Variants in ADGRF5 observed in about 807,000 individuals in gnomAD.
ADGRF5 encodes the protein adhesion G protein-coupled receptor F5.
ADGRF5 carries 75 observed loss-of-function variants against 132.3 expected under a neutral mutation model. That is an observed-to-expected ratio of 0.57 (90% CI 0.47 to 0.69). ADGRF5 has a LOEUF of 0.69. Among genes scored for constraint, ADGRF5 ranks in the 30% least tolerant of loss-of-function variants. The pLI, the probability that ADGRF5 is intolerant of heterozygous loss-of-function variation, is 0.00. For synonymous variants in ADGRF5, 629 were observed against 597.6 expected, an observed-to-expected ratio of 1.05 and a Z score of -0.77; for missense variants, 1,516 against 1,630.6, an observed-to-expected ratio of 0.93 and a Z score of 1.21.
intron 10 of ADGRF5, among the ~76,000 whole-genome samples, chr6:46,875,780 AAAAC>A (rs998225233): frequency 5.3e-5 from 8 of 152,312 alleles, no homozygotes; most frequent in South Asian, 2.1e-4. Context: ...TCTATCTCAA[AAAAC>A]AAACAAACAA....
intron 9 of ADGRF5, among the ~76,000 whole-genome samples, chr6:46,879,503 C>A (rs1401768859): frequency 1.3e-5 from 2 of 152,154 alleles, no homozygotes; most frequent in African/African-American, 4.8e-5. Flanking sequence ...TGCTGCCATG[C>A]AAGACATGCC....
At chr6:46,871,341 G>A (rs988669894) in intron 11 of ADGRF5, among the ~76,000 whole-genome samples, 1 of 152,078 alleles carries the variant, frequency 6.6e-6, no homozygotes, top group Non-Finnish European at 1.5e-5. Context: ...TAACCAGAAA[G>A]AATCAGATTA....
At chr6:46,939,189 CAA>C (rs1205099695) in intron 1 of ADGRF5, among the ~76,000 whole-genome samples, 1 of 152,170 alleles carries the variant, frequency 6.6e-6, no homozygotes, top group Non-Finnish European at 1.5e-5. Flanking sequence ...TACATAAAAG[CAA>C]AAATCCCAGG....
chr6:46,880,889 G>A (rs1302286382), intron 8 of ADGRF5, among the ~76,000 whole-genome samples: 1 of 151,956 alleles, frequency 6.6e-6, no homozygotes, highest in Non-Finnish European at 1.5e-5. Context: ...CCAGGAGTAT[G>A]AGACCAGCCT....
At chr6:46,884,962 G>C (rs1450872283) in intron 4 of ADGRF5, among the ~76,000 whole-genome samples, 1 of 152,172 alleles carries the variant, frequency 6.6e-6, no homozygotes, top group African/African-American at 2.4e-5. Flanking sequence ...CAGCACTTGG[G>C]AGGCCAAGGC....
chr6:46,922,810 T>C (rs966050910), upstream of ADGRF5, among the ~76,000 whole-genome samples: 9 of 152,198 alleles, frequency 5.9e-5, no homozygotes, highest in Non-Finnish European at 7.3e-5. Flanking sequence ...CAAGAGTATC[T>C]TCAGGGAATT....
At chr6:46,857,998 T>A (rs1012227123) in intron 17 of ADGRF5, 131 bp downstream of exon 17, 15 of 662,972 alleles carry the variant, frequency 2.3e-5, no homozygotes, top group Non-Finnish European at 3.6e-5. Flanking sequence ...TTCTCATTAT[T>A]ACTGCTCTTT....
At chr6:46,888,657 AAAG>A in intron 3 of ADGRF5, 152 bp from the exon 4 acceptor site, 1 of 626,996 alleles carries the variant, frequency 1.6e-6, no homozygotes, top group Non-Finnish European at 2.8e-6. Flanking sequence ...CTTTAGAGAA[AAAG>A]AAGGTTTATT....
chr6:46,912,924 A>G (rs1457874600), intron 1 of ADGRF5, among the ~76,000 whole-genome samples: 1 of 152,192 alleles, frequency 6.6e-6, no homozygotes, highest in African/African-American at 2.4e-5. Flanking sequence ...TCAGCACACA[A>G]TAGAAGCAAC....
At chr6:46,895,699 A>G (rs978088293) in intron 3 of ADGRF5, among the ~76,000 whole-genome samples, 1 of 150,754 alleles carries the variant, frequency 6.6e-6, no homozygotes, top group African/African-American at 2.4e-5. Flanking sequence ...GAGAATAATC[A>G]ACTGGGGCTC....
At chr6:46,954,381 C>A (rs543967059) in intron 1 of ADGRF5, among the ~76,000 whole-genome samples, 1 of 147,102 alleles carries the variant, frequency 6.8e-6, no homozygotes, top group Admixed American at 6.8e-5. Context: ...TGGTAGAGGT[C>A]TATACTATTA....
At chr6:46,926,516 G>A (rs545519599), upstream of ADGRF5, among the ~76,000 whole-genome samples, 246 of 152,086 alleles carry the variant, frequency 1.6e-3, 1 homozygote, top group Non-Finnish European at 2.8e-3. Flanking sequence ...GGTATGGTTC[G>A]TTGAGGTGTC....
chr6:46,940,755 T>C (rs1778017968), intron 1 of ADGRF5, among the ~76,000 whole-genome samples: 1 of 152,174 alleles, frequency 6.6e-6, no homozygotes. Flanking sequence ...TCCCTAAAAG[T>C]CCTTATATTT....
rs1768630339 is a variant in ADGRF5, at chr6:46,852,764, GC to G, written c.*1227del. The G allele has an allele frequency of 6.6e-6, 1 of 151,648 alleles. No individual in the cohort carries two copies. The highest frequency in any genetic ancestry group is 1.9e-4 in the East Asian group (1 of 5,192). 9.4% of individuals were successfully genotyped at this position (151,648 alleles called of 1,614,324 possible). A position where few individuals can be genotyped will look rare whatever the true frequency, so the allele number is the denominator to read the frequency against. On this transcript the variant is annotated 3_prime_UTR_variant, in exon 21 of 21. Coordinates refer to ENST00000283296, the MANE Select transcript of ADGRF5 (RefSeq NM_001098518.2). ...CCGAATGTAAAATTTCTTTCCAGGA[GC>G]TTTCCACGTGGTTGGAATAAACACA... is the stretch of plus-strand genomic sequence containing the variant.
intron 3 of ADGRF5, among the ~76,000 whole-genome samples, chr6:46,893,231 G>T (rs1413016435): frequency 6.6e-6 from 1 of 151,934 alleles, no homozygotes; most frequent in Non-Finnish European, 1.5e-5. Flanking sequence ...CAACCCTCTT[G>T]GCTTGCTTGA....
In ADGRF5 at chr6:46,860,674, A is replaced by T. The variant is rs193217889; in HGVS notation, c.2379+41T>A. On this transcript the variant is annotated intron_variant, in intron 16 of 20. Coordinates refer to ENST00000283296, the MANE Select transcript of ADGRF5 (RefSeq NM_001098518.2). ...TGAATACAAATTCTGAGGGGTGAAA[A>T]GGTAAGACCCAAAACTCCTGCAAAG... 38 of 1,466,246 alleles carry T rather than the reference A, an allele frequency of 2.6e-5. No homozygotes were observed. The East Asian group carries it at 8.2e-4, about 32-fold the overall frequency. 90.8% of individuals were successfully genotyped at this position (1,466,246 alleles called of 1,614,324 possible).
rs777037537 is a variant in ADGRF5 at position 46,858,783 on chromosome 6, C to A, written c.3120G>T (p.Ser1040=). ...TATAAGAAGTCCGGTTCTTGGTCAC[C>A]GATTTCCACACCACAGCTTCCACAA... is the stretch of plus-strand genomic sequence containing the variant. The part of the protein sequence containing the change: ...CLVVEAVVWK[S]VTKNRTSYMR... The change falls in exon 17 of 21, where the codon TCG becomes TCT. Residue 1040 remains serine, a synonymous_variant. Transcript: ENST00000283296. The A allele has an allele frequency of 1.2e-6, 2 of 1,614,076 alleles. No homozygotes were observed. Among genetic ancestry groups the A allele is most frequent in the East Asian group, 4.5e-5 (2 of 44,872 alleles).
intron 1 of ADGRF5, among the ~76,000 whole-genome samples, chr6:46,920,847 A>G (rs544650119): frequency 6.6e-6 from 1 of 152,294 alleles, no homozygotes; most frequent in South Asian, 2.1e-4. Context: ...TGGGCGACAG[A>G]GCAAGACTCC....
chr6:46,877,376 TCTTTCTTTC>T (rs1771930077), intron 10 of ADGRF5, among the ~76,000 whole-genome samples: 1 of 59,680 alleles, frequency 1.7e-5, no homozygotes, highest in Non-Finnish European at 4.3e-5. Context: ...TTTCTTTCTT[TCTTTCTTTC>T]TTCTTTCTTT....
Sources: allele counts gnomAD v4.1 joint callset (sites outside exome capture counted in the v4.1 genomes callset), GRCh38; gene constraint gnomAD v4.1.1; transcripts MANE v1.5; gene names NCBI Gene and HGNC (gene_info 2026-07-23, HGNC 2026-07-21).